CAMKMT: variants seen among roughly 807,000 people sequenced by gnomAD.
The protein encoded by CAMKMT is CaM KMT.
Under a neutral mutation model 48.0 loss-of-function variants are expected in CAMKMT, and 53 were observed. The ratio of observed to expected loss-of-function variants is 1.10; its 90% CI spans 0.89 to 1.39. The LOEUF is 1.39. Ranked by LOEUF, CAMKMT falls within the 40% of genes most tolerant of loss-of-function variation. The pLI is 0.00. For synonymous variants in CAMKMT, 165 were observed against 152.3 expected (o/e 1.08, Z -0.61); for missense variants, 428 against 402.7 (o/e 1.06, Z -0.54).
chr2:44,655,737 CAG>C (rs987241737), intron 3 of CAMKMT, among the ~76,000 whole-genome samples: 8 of 152,128 alleles, frequency 5.3e-5, no homozygotes, highest in African/African-American at 1.9e-4. Context: ...GAAAAGGAGA[CAG>C]GGGAGGCGGG....
chr2:44,746,844 G>A (rs1679938228), intron 8 of CAMKMT, among the ~76,000 whole-genome samples: 1 of 152,202 alleles, frequency 6.6e-6, no homozygotes, highest in Admixed American at 6.5e-5. Context: ...AGAATAGTGA[G>A]TGATTGTTAA....
At chr2:44,405,920 A>C (rs1682746126) in intron 3 of CAMKMT, among the ~76,000 whole-genome samples, 1 of 152,198 alleles carries the variant, frequency 6.6e-6, no homozygotes, top group Non-Finnish European at 1.5e-5. Flanking sequence ...ATATTAATTC[A>C]GTATTCTCCT....
chr2:44,769,438 C>T (rs1681007781), intron 10 of CAMKMT, among the ~76,000 whole-genome samples: 1 of 152,200 alleles, frequency 6.6e-6, no homozygotes, highest in Non-Finnish European at 1.5e-5. Flanking sequence ...TAAAACACTT[C>T]CCTCTCCTCC....
rs975212597 is a variant in CAMKMT, at chr2:44,772,571, G to C, written c.*458G>C. Reference sequence around the variant, plus strand: ...TCCTGGTTAGAAAAATAAATAAAGTGTATCTTTTTATCTCCCTCCAATTAA... The same window carrying C: ...TCCTGGTTAGAAAAATAAATAAAGTCTATCTTTTTATCTCCCTCCAATTAA... On this transcript the variant is annotated 3_prime_UTR_variant, in exon 11 of 11. Coordinates refer to ENST00000378494, the MANE Select transcript of CAMKMT (RefSeq NM_024766.5). 1.3e-5 allele frequency: 2 copies of C among 152,226 alleles called. No homozygotes were observed. The highest frequency in any genetic ancestry group is 4.9e-5 in the African/African-American group (2 of 41,104). The allele number at this position is 152,226 out of a possible 1,614,324, so 9.4% of individuals were successfully genotyped here. A position where few individuals can be genotyped will look rare whatever the true frequency, so the allele number is the denominator to read the frequency against.
chr2:44,362,323 A>G (rs1300589487), intron 1 of CAMKMT, among the ~76,000 whole-genome samples, 178 bp downstream of exon 1: 1 of 152,056 alleles, frequency 6.6e-6, no homozygotes, highest in Non-Finnish European at 1.5e-5. Flanking sequence ...CAAGAGGAGG[A>G]ATCATGTGGG....
At position 44,665,305 on chromosome 2, in the gene CAMKMT, A is replaced by C. The variant is rs537529536; in HGVS notation, c.377-38978A>C. Among the ~76,000 whole-genome samples the C allele has an allele frequency of 2.0e-5, 3 of 152,174 alleles. No homozygotes were observed. In the East Asian group the frequency reaches 5.8e-4, roughly 29 times the overall value. The stretch of plus-strand genomic sequence containing the variant: ...ATGTTGGTCTTGAACCCCTGACCTC[A>C]GGTGATCCTCCCGCCTCTGCCTCCC... On this transcript the variant is annotated intron_variant, in intron 3 of 10. Transcript: ENST00000378494.
chr2:44,739,374 G>A (rs531156671), intron 7 of CAMKMT, among the ~76,000 whole-genome samples: 1 of 152,318 alleles, frequency 6.6e-6, no homozygotes, highest in African/African-American at 2.4e-5. Context: ...AATGTGGACT[G>A]TAAAAGAAAG....
At chr2:44,740,793 A>T (rs774998695) in intron 7 of CAMKMT, among the ~76,000 whole-genome samples, 5 of 152,188 alleles carry the variant, frequency 3.3e-5, no homozygotes, top group Non-Finnish European at 7.3e-5. Flanking sequence ...AATTACAATG[A>T]TAAGTCATGA....
At chr2:44,670,632 C>T (rs1558784720) in intron 3 of CAMKMT, among the ~76,000 whole-genome samples, 1 of 152,142 alleles carries the variant, frequency 6.6e-6, no homozygotes, top group South Asian at 2.1e-4. Context: ...CACTGCACTG[C>T]AGCCTGGGTG....
chr2:44,538,986 GT>G (rs1666939292), intron 3 of CAMKMT, among the ~76,000 whole-genome samples: 1 of 148,076 alleles, frequency 6.8e-6, no homozygotes, highest in Non-Finnish European at 1.5e-5. Context: ...GTGTGTGTGT[GT>G]GTGTGTGTGT....
intron 3 of CAMKMT, among the ~76,000 whole-genome samples, chr2:44,502,724 C>T (rs748540709): frequency 2.0e-5 from 3 of 152,074 alleles, no homozygotes; most frequent in Non-Finnish European, 4.4e-5. Context: ...TGCATATCCA[C>T]CTTCAAGATT....
Position 44,390,322 on chromosome 2 carries a change from C to G in CAMKMT, c.376+17C>G. 1 of 1,533,956 alleles carries G rather than the reference C, an allele frequency of 6.5e-7. No homozygotes were observed. The highest frequency in any genetic ancestry group is 1.4e-5 in the African/African-American group (1 of 72,630). ...GAAATGTTTGTAAGTTATACATTCA[C>G]TCTATAGAAATATATTTAGTGTTTT... On this transcript the variant is annotated intron_variant, in intron 3 of 10. Transcript: ENST00000378494.
At chr2:44,740,145 T>G (rs1679593072) in intron 7 of CAMKMT, among the ~76,000 whole-genome samples, 2 of 140,226 alleles carry the variant, frequency 1.4e-5, no homozygotes, top group African/African-American at 5.5e-5. Context: ...TTTTTTTTTT[T>G]GAGAAAGGGT....
intron 3 of CAMKMT, among the ~76,000 whole-genome samples, chr2:44,599,832 A>AG (rs1385727445): frequency 6.6e-6 from 1 of 151,756 alleles, no homozygotes; most frequent in Non-Finnish European, 1.5e-5. Context: ...GGTTTAAAAA[A>AG]AAAAAAAAAG....
chr2:44,638,457 C>T (rs765089088), intron 3 of CAMKMT, among the ~76,000 whole-genome samples: 17 of 152,024 alleles, frequency 1.1e-4, no homozygotes, highest in Non-Finnish European at 2.2e-4. Context: ...AAAAAATTAC[C>T]AAGAAGTCTA....
At chr2:44,701,491 G>A (rs1056336467) in intron 3 of CAMKMT, among the ~76,000 whole-genome samples, 10 of 152,136 alleles carry the variant, frequency 6.6e-5, no homozygotes, top group African/African-American at 2.2e-4. Flanking sequence ...CACATTTTAT[G>A]GAGGTCAGTT....
intron 3 of CAMKMT, among the ~76,000 whole-genome samples, chr2:44,407,511 C>A (rs1572789990): frequency 6.6e-6 from 1 of 152,128 alleles, no homozygotes; most frequent in African/African-American, 2.4e-5. Context: ...TGCCTAGTGT[C>A]AGGGCAAGGT....
At chr2:44,476,855 T>C (rs1228271571) in intron 3 of CAMKMT, among the ~76,000 whole-genome samples, 1 of 152,172 alleles carries the variant, frequency 6.6e-6, no homozygotes, top group Admixed American at 6.6e-5. Flanking sequence ...CTCAAAGGAT[T>C]GGTCTAAGGA....
intron 2 of CAMKMT, among the ~76,000 whole-genome samples, chr2:44,375,259 C>T (rs542973872): frequency 3.0e-4 from 46 of 151,390 alleles, no homozygotes; most frequent in African/African-American, 1.1e-3. Context: ...GGAGTACTCT[C>T]ATCTTCCTCT....
Sources: gnomAD v4.1 joint callset for allele counts (sites outside exome capture counted in the v4.1 genomes callset) on GRCh38, gnomAD v4.1.1 for gene constraint, MANE v1.5 for transcripts, NCBI Gene and HGNC (gene_info 2026-07-23, HGNC 2026-07-21) for gene names.